TRIM2: variants seen among roughly 807,000 people sequenced by gnomAD.
TRIM2 encodes the protein tripartite motif-containing protein 2.
Under a neutral mutation model 75.2 loss-of-function variants are expected in TRIM2, and 20 were observed. That is an observed-to-expected ratio of 0.27 (90% CI 0.19 to 0.39). The LOEUF is 0.39. TRIM2 is among the 10% of genes least tolerant of loss of function. The pLI is 1.00. For synonymous variants in TRIM2, 373 were observed against 388.3 expected (o/e 0.96, Z 0.46); for missense variants, 660 against 990.8 (o/e 0.67, Z 4.48).
chr4:153,339,272 C>A lies in TRIM2; in HGVS notation c.*4306C>A. On this transcript the variant is annotated 3_prime_UTR_variant, in exon 12 of 12. Coordinates refer to ENST00000338700, the MANE Select transcript of TRIM2 (RefSeq NM_015271.5). ...AACAGGATTCATGTGTATCTCTTTA[C>A]CATGCACAAAATCTCAAATCATTAT... The A allele has an allele frequency of 1.2e-6, 1 of 811,134 alleles. No homozygotes were observed. Among genetic ancestry groups the A allele is most frequent in the Non-Finnish European group, 1.5e-6 (1 of 670,830 alleles). The allele number at this position is 811,134 out of a possible 1,614,324, so 50.2% of individuals were successfully genotyped here. A position where few individuals can be genotyped will look rare whatever the true frequency, so the allele number is the denominator to read the frequency against.
chr4:153,159,225 A>G (rs1729515362), intron 1 of TRIM2, among the ~76,000 whole-genome samples: 1 of 148,138 alleles, frequency 6.8e-6, no homozygotes, highest in Admixed American at 6.7e-5. Flanking sequence ...AAGCCACCCT[A>G]TGGTGGCTTT....
chr4:153,252,739 A>G (rs1489715923), intron 1 of TRIM2, among the ~76,000 whole-genome samples: 5 of 152,068 alleles, frequency 3.3e-5, no homozygotes, highest in Admixed American at 6.5e-5. Context: ...TGAACTCCTG[A>G]CCTTGTGATC....
chr4:153,229,489 C>T (rs1460077568), intron 1 of TRIM2, among the ~76,000 whole-genome samples: 3 of 152,182 alleles, frequency 2.0e-5, no homozygotes, highest in Admixed American at 2.0e-4. Context: ...AATTCCTGAC[C>T]TCAGGTGATC....
At position 153,337,351 on chromosome 4, in the gene TRIM2, A is replaced by T; in HGVS notation, c.*2385A>T. The stretch of plus-strand genomic sequence containing the variant: ...CTAACCAGCCATCATATCATATCCT[A>T]TCAGGCTAGATATCTCAATAGTAGA... On this transcript the variant is annotated 3_prime_UTR_variant, in exon 12 of 12. Coordinates refer to ENST00000338700, the MANE Select transcript of TRIM2 (RefSeq NM_015271.5). The T allele has an allele frequency of 1.0e-6, 1 of 985,844 alleles. No individual in the cohort carries two copies. The highest frequency in any genetic ancestry group is 5.2e-4 in the Middle Eastern group (1 of 1,914). The allele number at this position is 985,844 out of a possible 1,614,324, so 61.1% of individuals were successfully genotyped here.
intron 1 of TRIM2, among the ~76,000 whole-genome samples, chr4:153,169,959 C>T (rs34284701): frequency 0.54 from 81,648 of 152,096 alleles, 23,021 homozygotes; most frequent in Non-Finnish European, 0.63. Context: ...TAACTTCATC[C>T]GCATCTAAAG....
chr4:153,181,644 C>A (rs574187514), intron 1 of TRIM2, among the ~76,000 whole-genome samples: 1 of 152,180 alleles, frequency 6.6e-6, no homozygotes, highest in African/African-American at 2.4e-5. Context: ...GGGCTAGACA[C>A]GCTCAGAGCA....
At chr4:153,162,118 T>C (rs1226725200) in intron 1 of TRIM2, among the ~76,000 whole-genome samples, 1 of 152,246 alleles carries the variant, frequency 6.6e-6, no homozygotes, top group African/African-American at 2.4e-5. Flanking sequence ...TATTCTGGCA[T>C]TTAGTCATTT....
chr4:153,221,440 C>CA, intron 1 of TRIM2, among the ~76,000 whole-genome samples: 1 of 150,358 alleles, frequency 6.7e-6, no homozygotes, highest in Non-Finnish European at 1.5e-5. Context: ...AACAAACAAA[C>CA]AAAAAAACCA....
intron 1 of TRIM2, among the ~76,000 whole-genome samples, chr4:153,231,401 A>C (rs1407825900): frequency 2.0e-4 from 31 of 152,314 alleles, no homozygotes; most frequent in Admixed American, 2.0e-3. Flanking sequence ...GAGGGACTAA[A>C]GTTAGAACTT....
intron 1 of TRIM2, among the ~76,000 whole-genome samples, chr4:153,266,320 C>A (rs1279944675): frequency 6.6e-6 from 1 of 150,968 alleles, no homozygotes. Context: ...TGTATGTGTG[C>A]CACCATGCCT....
intron 10 of TRIM2, 24 bp from the exon 11 acceptor site, chr4:153,328,506 A>G (rs759929014): frequency 6.3e-7 from 1 of 1,583,488 alleles, no homozygotes; most frequent in Non-Finnish European, 8.6e-7. Context: ...GTAAAACAAA[A>G]TAATTTAAAA....
intron 1 of TRIM2, among the ~76,000 whole-genome samples, chr4:153,229,537 C>T (rs1250321794): frequency 6.6e-6 from 1 of 152,202 alleles, no homozygotes; most frequent in South Asian, 2.1e-4. Flanking sequence ...GGATTACAGG[C>T]ATGAGCCATC....
intron 3 of TRIM2, among the ~76,000 whole-genome samples, chr4:153,276,676 T>A (rs1241107721): frequency 6.6e-6 from 1 of 152,218 alleles, no homozygotes; most frequent in Non-Finnish European, 1.5e-5. Context: ...GTGGGTACCA[T>A]CAAGTAACTG....
intron 8 of TRIM2, among the ~76,000 whole-genome samples, chr4:153,321,605 G>A (rs35939843): frequency 0.2 from 30,344 of 152,050 alleles, 3,299 homozygotes; most frequent in African/African-American, 0.28. Flanking sequence ...TAAAATTAAT[G>A]TATCCAATAG....
chr4:153,306,270 A>G (rs1229871684), intron 6 of TRIM2, among the ~76,000 whole-genome samples: 2 of 152,230 alleles, frequency 1.3e-5, no homozygotes, highest in Non-Finnish European at 2.9e-5. Flanking sequence ...TGTATACCAC[A>G]TATGGTGAGG....
At chr4:153,247,577 C>T (rs1181362544) in intron 1 of TRIM2, among the ~76,000 whole-genome samples, 4 of 147,750 alleles carry the variant, frequency 2.7e-5, no homozygotes, top group African/African-American at 9.9e-5. Context: ...ACTCAGGAGG[C>T]TGAGGCAGGA....
At chr4:153,307,048 C>T (rs1167504477) in intron 6 of TRIM2, among the ~76,000 whole-genome samples, 1 of 152,070 alleles carries the variant, frequency 6.6e-6, no homozygotes, top group Non-Finnish European at 1.5e-5. Flanking sequence ...TAAGTGTATG[C>T]CCACTGTGAG....
At chr4:153,260,308 C>T (rs1434849749) in intron 1 of TRIM2, among the ~76,000 whole-genome samples, 6 of 151,938 alleles carry the variant, frequency 3.9e-5, no homozygotes, top group Admixed American at 1.3e-4. Flanking sequence ...GAGGAGACCC[C>T]GAGCATCTTG....
intron 3 of TRIM2, among the ~76,000 whole-genome samples, chr4:153,278,426 C>G (rs554724415): frequency 6.6e-6 from 1 of 152,166 alleles, no homozygotes; most frequent in Non-Finnish European, 1.5e-5. Context: ...GCTAATATTT[C>G]TAACTGTCAT....
Sources: allele counts gnomAD v4.1 joint callset (sites outside exome capture counted in the v4.1 genomes callset), GRCh38; gene constraint gnomAD v4.1.1; transcripts MANE v1.5; gene names NCBI Gene and HGNC (gene_info 2026-07-23, HGNC 2026-07-21).